Variants in WDR88 observed in about 807,000 individuals in gnomAD.
The protein encoded by WDR88 is WD repeat-containing protein 88.
In WDR88, 40 loss-of-function variants were observed where a neutral mutation model predicts 46.8. That is an observed-to-expected ratio of 0.86 (90% CI 0.66 to 1.11). The LOEUF (loss-of-function observed/expected upper bound fraction) is 1.11, where lower values mean the gene tolerates loss of function less well. Ranked by LOEUF, WDR88 falls within the 50% of genes most tolerant of loss-of-function variation. WDR88 has a pLI of 0.00. For missense variants in WDR88, 562 were observed against 602.4 expected (o/e 0.93, Z 0.70); for synonymous variants, 235 against 240.7 (o/e 0.98, Z 0.22).
At chr19:33,154,028 T>C (rs57840163) in intron 6 of WDR88, among the ~76,000 whole-genome samples, 21,168 of 152,128 alleles carry the variant, frequency 0.14, 3,368 homozygotes, top group African/African-American at 0.39. Flanking sequence ...TTAAAAAAAT[T>C]ACTTTTAAAG....
At chr19:33,142,374 T>C (rs1973414230) in intron 2 of WDR88, among the ~76,000 whole-genome samples, 1 of 151,780 alleles carries the variant, frequency 6.6e-6, no homozygotes, top group African/African-American at 2.4e-5. Context: ...GATGAGGGGC[T>C]GCCTGGAGAA....
Position 33,132,181 on chromosome 19 carries a change from G to A in WDR88, c.12G>A (p.Pro4=), listed in dbSNP as rs371867684. 6 of 1,594,350 alleles carry A rather than the reference G, an allele frequency of 3.8e-6. No individual in the cohort carries two copies. Among genetic ancestry groups the A allele is most frequent in the East Asian group, 2.2e-5 (1 of 44,484 alleles). The stretch of plus-strand genomic sequence containing the variant: ...GACCGGGCTTCGAGATGGCCTCCCC[G>A]CCGCGGTGCTCCCCGACAGCCCATG... The part of the protein sequence containing the change: MAS[P]PRCSPTAHDR... Residue 4 remains proline (P), a synonymous_variant, in exon 1 of 11, where the codon CCG becomes CCA. Transcript: ENST00000355868.
chr19:33,159,767 A>G (rs1223559790), intron 7 of WDR88, among the ~76,000 whole-genome samples: 4 of 151,976 alleles, frequency 2.6e-5, no homozygotes, highest in African/African-American at 9.7e-5. Context: ...GCTGTGGAGG[A>G]TGGTTTCGGG....
chr19:33,150,707 T>G (rs550216688), intron 5 of WDR88, among the ~76,000 whole-genome samples: 1 of 152,388 alleles, frequency 6.6e-6, no homozygotes, highest in Non-Finnish European at 1.5e-5. Flanking sequence ...AGAGCCCACT[T>G]GACACTCTGA....
At chr19:33,132,561 G>A (rs1973150938) in intron 1 of WDR88, 116 bp downstream of exon 1, 3 of 1,440,764 alleles carry the variant, frequency 2.1e-6, no homozygotes, top group African/African-American at 1.4e-5. Context: ...GACCCCCAGC[G>A]AGGCCCTAGG....
At chr19:33,173,469 C>T (rs1473004300) in intron 10 of WDR88, among the ~76,000 whole-genome samples, 2 of 152,268 alleles carry the variant, frequency 1.3e-5, no homozygotes, top group East Asian at 3.8e-4. Context: ...TCCGCTGGAG[C>T]CTCTCTGTGC....
At chr19:33,148,988 A>G in intron 5 of WDR88, 78 bp downstream of exon 5, 1 of 1,589,936 alleles carries the variant, frequency 6.3e-7, no homozygotes, top group Non-Finnish European at 8.6e-7. Flanking sequence ...GTGACCTTCC[A>G]TTGCTTTATT....
At chr19:33,163,611 AG>A (rs1254263605) in intron 8 of WDR88, among the ~76,000 whole-genome samples, 1 of 151,540 alleles carries the variant, frequency 6.6e-6, no homozygotes, top group Non-Finnish European at 1.5e-5. Context: ...GATGAAACCG[AG>A]GAAGTACAAT....
chr19:33,153,529 C>T (rs16967836), intron 6 of WDR88, among the ~76,000 whole-genome samples: 3,018 of 152,164 alleles, frequency 0.02, 103 homozygotes, highest in African/African-American at 0.069. Flanking sequence ...AATCCTCTAG[C>T]AAGATCAGCT....
At chr19:33,165,901 CAAAA>C (rs34888884) in intron 9 of WDR88, among the ~76,000 whole-genome samples, 11 of 109,158 alleles carry the variant, frequency 1.0e-4, no homozygotes, top group South Asian at 5.6e-4. Flanking sequence ...AACTCTGTCT[CAAAA>C]AAAAAAAAAA....
At chr19:33,140,713 C>G (rs1318167313) in intron 2 of WDR88, among the ~76,000 whole-genome samples, 2 of 151,852 alleles carry the variant, frequency 1.3e-5, no homozygotes, top group Non-Finnish European at 2.9e-5. Context: ...TTGCTTGAAC[C>G]TGGGAGGCGG....
intron 8 of WDR88, among the ~76,000 whole-genome samples, chr19:33,162,605 GC>G (rs1286518305): frequency 6.6e-6 from 1 of 152,064 alleles, no homozygotes; most frequent in Non-Finnish European, 1.5e-5. Flanking sequence ...GAAGCGAAAA[GC>G]CCCCTCACTT....
At chr19:33,143,042 C>T (rs1973433437) in intron 2 of WDR88, among the ~76,000 whole-genome samples, 1 of 151,152 alleles carries the variant, frequency 6.6e-6, no homozygotes, top group Admixed American at 6.6e-5. Context: ...TTTAAGTCTC[C>T]CTGAAAGCTG....
chr19:33,165,785 C>A (rs1049317628), intron 9 of WDR88, among the ~76,000 whole-genome samples: 1 of 150,774 alleles, frequency 6.6e-6, no homozygotes, highest in Non-Finnish European at 1.5e-5. Flanking sequence ...CCCAGCTACT[C>A]GGGAGGCTGA....
chr19:33,155,310 T>C (rs1015410378), intron 6 of WDR88, among the ~76,000 whole-genome samples: 2 of 151,924 alleles, frequency 1.3e-5, no homozygotes, highest in African/African-American at 4.8e-5. Flanking sequence ...CCAGCTAATT[T>C]TTATATTTTT....
At chr19:33,165,750 G>A (rs561125691) in intron 9 of WDR88, among the ~76,000 whole-genome samples, 3 of 151,764 alleles carry the variant, frequency 2.0e-5, no homozygotes, top group South Asian at 2.1e-4. Context: ...AAACTTAGCC[G>A]GGCGTGGTGG....
intron 10 of WDR88, chr19:33,174,751 A>C: frequency 1.0e-6 from 1 of 985,160 alleles, no homozygotes; most frequent in Non-Finnish European, 1.2e-6. Context: ...GGGGCGGGAC[A>C]CTCACCCCCA....
At chr19:33,133,157 G>GAATAAAAAAATA (rs1973165882) in intron 1 of WDR88, among the ~76,000 whole-genome samples, 1 of 105,718 alleles carries the variant, frequency 9.5e-6, no homozygotes, top group African/African-American at 3.7e-5. Context: ...ACTGTCTCCA[G>GAATAAAAAAATA]AATAAATAAA....
In WDR88 at chr19:33,132,453, C is replaced by T; in HGVS notation, c.276+8C>T. On this transcript the variant is annotated splice_region_variant and intron_variant, in intron 1 of 10. Transcript: ENST00000355868. ...CAGGACCCTCTCTCCAAGGTCAGAA[C>T]CGCCGCTGGGGTGAGGGGGCACTGG... 3.1e-6 allele frequency: 5 copies of T among 1,613,240 alleles called. No homozygotes were observed. The highest frequency in any genetic ancestry group is 4.2e-6 in the Non-Finnish European group (5 of 1,179,534).
Sources: gnomAD v4.1 joint callset for allele counts (sites outside exome capture counted in the v4.1 genomes callset) on GRCh38, gnomAD v4.1.1 for gene constraint, MANE v1.5 for transcripts, NCBI Gene and HGNC (gene_info 2026-07-23, HGNC 2026-07-21) for gene names.